Variants in ZFYVE9 observed in about 807,000 individuals in gnomAD.
ZFYVE9 encodes zinc finger FYVE domain-containing protein 9.
In ZFYVE9, 43 loss-of-function variants were observed where a neutral mutation model predicts 126.7. That is an observed-to-expected ratio of 0.34 (90% CI 0.27 to 0.44). The LOEUF (loss-of-function observed/expected upper bound fraction) is 0.44, where lower values mean the gene tolerates loss of function less well. Ranked by LOEUF, ZFYVE9 falls within the 20% of genes least tolerant of loss-of-function variation. The probability of loss-of-function intolerance (pLI) is 1.00; values close to 1 mark genes in which losing one functional copy is unlikely to be tolerated. For missense variants in ZFYVE9, 1,476 were observed against 1,697.0 expected (o/e 0.87, Z 2.29); for synonymous variants, 521 against 597.4 (o/e 0.87, Z 1.87).
At chr1:52,258,691 A>C (rs1030053494) in intron 4 of ZFYVE9, among the ~76,000 whole-genome samples, 1 of 152,180 alleles carries the variant, frequency 6.6e-6, no homozygotes, top group East Asian at 1.9e-4. Context: ...CTGTGATACT[A>C]ATTCTTATGA....
Position 52,239,599 on chromosome 1 carries a change from A to C in ZFYVE9, c.2178+4A>C. On this transcript the variant is annotated splice_donor_region_variant and intron_variant, in intron 4 of 18. Coordinates refer to ENST00000287727, the MANE Select transcript of ZFYVE9 (RefSeq NM_004799.4). ...TCACTGCAGAGCATGTGGGAAGGTA[A>C]GTTGCATGTATACACTCAGAAATCG... 1 of 1,607,670 alleles carries C rather than the reference A, an allele frequency of 6.2e-7. No homozygotes were observed. Among genetic ancestry groups the C allele is most frequent in the Non-Finnish European group, 8.5e-7 (1 of 1,175,614 alleles).
chr1:52,331,217 T>C (rs1300020614), intron 13 of ZFYVE9, among the ~76,000 whole-genome samples: 1 of 152,010 alleles, frequency 6.6e-6, no homozygotes, highest in African/African-American at 2.4e-5. Context: ...ACAAAATAAG[T>C]TTCCAGTTAG....
At chr1:52,258,851 C>A (rs1645549470) in intron 4 of ZFYVE9, among the ~76,000 whole-genome samples, 1 of 151,094 alleles carries the variant, frequency 6.6e-6, no homozygotes, top group Non-Finnish European at 1.5e-5. Flanking sequence ...GATGGGTATT[C>A]TTGGGTTCTT....
chr1:52,300,545 C>A (rs55798496), intron 12 of ZFYVE9, among the ~76,000 whole-genome samples: 2 of 151,258 alleles, frequency 1.3e-5, no homozygotes, highest in African/African-American at 4.9e-5. Context: ...GAGCCAAGAT[C>A]GTGCCACTGC....
intron 12 of ZFYVE9, among the ~76,000 whole-genome samples, chr1:52,298,432 C>A (rs1382805350): frequency 1.3e-5 from 2 of 152,086 alleles, no homozygotes; most frequent in South Asian, 2.1e-4. Flanking sequence ...GTTCTTGGCA[C>A]CTTTGTCGAA....
chr1:52,192,933 C>T (rs959337896), intron 1 of ZFYVE9, among the ~76,000 whole-genome samples: 4 of 152,138 alleles, frequency 2.6e-5, no homozygotes, highest in African/African-American at 9.7e-5. Context: ...TGAGTACTTT[C>T]TAAACTGTAG....
In ZFYVE9 at chr1:52,238,457, A is replaced by G. The variant is rs1645298551; in HGVS notation, c.1040A>G (p.Asn347Ser). The G allele has an allele frequency of 1.2e-6, 2 of 1,614,094 alleles. No individual in the cohort carries two copies. Among genetic ancestry groups the G allele is most frequent in the Non-Finnish European group, 1.7e-6 (2 of 1,179,968 alleles). ...LPLLLKPDMPNGSGRNNDCER... is the reference protein window; with the variant it reads ...LPLLLKPDMPSGSGRNNDCER... ...TTGCTTCTCAAACCAGACATGCCTA[A>G]TGGGTCTGGAAGGAATAATGACTGT... The change falls in exon 4 of 19, where the codon AAT becomes AGT. Residue 347 changes from asparagine to serine, a missense_variant. Coordinates refer to ENST00000287727, the MANE Select transcript of ZFYVE9 (RefSeq NM_004799.4).
At chr1:52,147,843 G>T (rs911228489) in intron 1 of ZFYVE9, among the ~76,000 whole-genome samples, 3 of 152,110 alleles carry the variant, frequency 2.0e-5, no homozygotes, top group African/African-American at 7.2e-5. Flanking sequence ...TTGTATGAAG[G>T]TTCCAATTTC....
chr1:52,239,696 G>T, intron 4 of ZFYVE9, 101 bp downstream of exon 4: 5 of 1,339,980 alleles, frequency 3.7e-6, no homozygotes, highest in Non-Finnish European at 5.0e-6. Flanking sequence ...GTCTGGTTGA[G>T]TTGACCTAAA....
intron 13 of ZFYVE9, among the ~76,000 whole-genome samples, chr1:52,331,248 A>G (rs902448702): frequency 1.3e-5 from 2 of 152,158 alleles, no homozygotes; most frequent in African/African-American, 4.8e-5. Context: ...GCTCAATTTT[A>G]AAGGATTAGA....
chr1:52,272,510 ATAT>A (rs547087231), intron 7 of ZFYVE9, among the ~76,000 whole-genome samples: 131 of 152,316 alleles, frequency 8.6e-4, no homozygotes, highest in African/African-American at 3.0e-3. Context: ...GCTCAACTTA[ATAT>A]TATGAGATTT....
chr1:52,253,932 C>A, intron 4 of ZFYVE9: 1 of 955,778 alleles, frequency 1.0e-6, no homozygotes, highest in Non-Finnish European at 1.7e-6. Context: ...ATTTTCACAA[C>A]CTTCAAGAAA....
rs76557862 is a variant in ZFYVE9, at chr1:52,326,203, T to C, written c.3439-6565T>C. ...TTTACTGGTATGTCATTCTCAATAA[T>C]TTGTAAACTTTTAGGAAAGGTCTTT... On this transcript the variant is annotated intron_variant, in intron 13 of 18. Coordinates refer to ENST00000287727, the MANE Select transcript of ZFYVE9 (RefSeq NM_004799.4). Among the ~76,000 whole-genome samples, 1,186 of 152,322 alleles carry C rather than the reference T, an allele frequency of 7.8e-3. 18 individuals are homozygous for C. The highest frequency in any genetic ancestry group is 0.027 in the African/African-American group (1,128 of 41,570).
At chr1:52,204,609 C>A (rs971383162) in intron 1 of ZFYVE9, among the ~76,000 whole-genome samples, 1 of 152,000 alleles carries the variant, frequency 6.6e-6, no homozygotes, top group African/African-American at 2.4e-5. Context: ...TGCCTGTAAT[C>A]CCAGCTACTC....
At chr1:52,278,374 C>A in intron 8 of ZFYVE9, 118 bp from the exon 9 acceptor site, 1 of 1,309,702 alleles carries the variant, frequency 7.6e-7, no homozygotes, top group Non-Finnish European at 1.1e-6. Context: ...CTGTATGCAC[C>A]TATTGATAAA....
At chr1:52,163,781 G>A (rs999871721) in intron 1 of ZFYVE9, among the ~76,000 whole-genome samples, 3 of 151,658 alleles carry the variant, frequency 2.0e-5, no homozygotes, top group Admixed American at 6.6e-5. Context: ...TAAGACCAGC[G>A]TGGGCAACAT....
intron 3 of ZFYVE9, among the ~76,000 whole-genome samples, chr1:52,236,209 T>C (rs1416071392): frequency 1.3e-5 from 2 of 152,148 alleles, no homozygotes; most frequent in East Asian, 3.8e-4. Context: ...ATCCTGCTGC[T>C]TTTACTATGG....
At chr1:52,295,339 GGTTT>G (rs144066928) in intron 11 of ZFYVE9, among the ~76,000 whole-genome samples, 43,131 of 149,518 alleles carry the variant, frequency 0.29, 6,205 homozygotes, top group African/African-American at 0.34. Flanking sequence ...AGACCTTGTG[GGTTT>G]GTTTGTTTGT....
Position 52,263,759 on chromosome 1 carries a change from C to CAA in ZFYVE9, c.2179-14_2179-13insAA. Reference sequence around the variant, plus strand: ...AGTAAATTTTGTGTGTTCTTCCCCCCCCCCCCCCCACAGGTTTTCTGTGCT... The same window carrying CAA: ...AGTAAATTTTGTGTGTTCTTCCCCCCAACCCCCCCCCACAGGTTTTCTGTGCT... On this transcript the variant is annotated splice_polypyrimidine_tract_variant and intron_variant, in intron 4 of 18. Coordinates refer to ENST00000287727, the MANE Select transcript of ZFYVE9 (RefSeq NM_004799.4). 1 of 734,588 alleles carries CAA rather than the reference C, an allele frequency of 1.4e-6. No individual in the cohort carries two copies. The highest frequency in any genetic ancestry group is 2.1e-6 in the Non-Finnish European group (1 of 487,402). 45.5% of individuals were successfully genotyped at this position (734,588 alleles called of 1,614,324 possible).
Sources: gnomAD v4.1 joint callset for allele counts (sites outside exome capture counted in the v4.1 genomes callset) on GRCh38, gnomAD v4.1.1 for gene constraint, MANE v1.5 for transcripts, NCBI Gene and HGNC (gene_info 2026-07-23, HGNC 2026-07-21) for gene names.